The following CYP2C19 variants were observed in gnomAD, a reference collection of about 807,000 sequenced individuals.
The protein encoded by CYP2C19 is cytochrome P450 family 2 subfamily C member 19.
In CYP2C19, 59 loss-of-function variants were observed where a neutral mutation model predicts 40.9. That is an observed-to-expected ratio of 1.44 (90% CI 1.17 to 1.79). CYP2C19 has a LOEUF of 1.79. Ranked by LOEUF, CYP2C19 falls within the 40% of genes most tolerant of loss-of-function variation. The pLI, the probability that CYP2C19 is intolerant of heterozygous loss-of-function variation, is 0.00. For synonymous variants in CYP2C19, 253 were observed against 208.7 expected, an observed-to-expected ratio of 1.21 and a Z score of -1.83; for missense variants, 754 against 596.9, an observed-to-expected ratio of 1.26 and a Z score of -2.74.
intron 8 of CYP2C19, 75 bp downstream of exon 8, chr10:94,850,133 C>G: frequency 6.5e-7 from 1 of 1,530,872 alleles, no homozygotes. Context: ...TTACATGTGC[C>G]TTCTCTGCAG....
chr10:94,771,949 C>A lies in CYP2C19; in HGVS notation c.169-3109C>A, dbSNP rs144929201. On this transcript the variant is annotated intron_variant, in intron 1 of 8. Transcript: ENST00000371321. ...CATTCTTGAAAACGTGTACCCCTGC[C>A]TGTCCTCGTAGACCACAAAGAGGAC... is the stretch of plus-strand genomic sequence containing the variant. Among the ~76,000 whole-genome samples the A allele has an allele frequency of 3.1e-3, 474 of 152,254 alleles. 3 individuals carry two copies. The highest frequency in any genetic ancestry group is 0.011 in the African/African-American group (451 of 41,554).
chr10:94,785,858 A>G (rs1232771724), intron 5 of CYP2C19, among the ~76,000 whole-genome samples: 1 of 152,098 alleles, frequency 6.6e-6, no homozygotes, highest in Non-Finnish European at 1.5e-5. Context: ...ATGTACAGTA[A>G]GGAGCAGACA....
intron 6 of CYP2C19, among the ~76,000 whole-genome samples, chr10:94,828,990 C>T (rs551580078): frequency 9.9e-5 from 15 of 152,088 alleles, no homozygotes; most frequent in Admixed American, 6.5e-4. Context: ...TGAATATTGG[C>T]CCCCACTCTC....
intron 6 of CYP2C19, among the ~76,000 whole-genome samples, chr10:94,829,619 A>T (rs1032477160): frequency 2.0e-5 from 3 of 152,070 alleles, no homozygotes; most frequent in African/African-American, 7.2e-5. Flanking sequence ...CATAGCTCAG[A>T]GTAATTTGAT....
At chr10:94,831,253 C>G (rs1292638105) in intron 6 of CYP2C19, among the ~76,000 whole-genome samples, 1 of 152,028 alleles carries the variant, frequency 6.6e-6, no homozygotes, top group East Asian at 1.9e-4. Flanking sequence ...TGTATATGTA[C>G]TACATTTTCT....
intron 5 of CYP2C19, among the ~76,000 whole-genome samples, chr10:94,818,934 AC>A (rs764870420): frequency 1.3e-5 from 2 of 152,058 alleles, no homozygotes; most frequent in African/African-American, 2.4e-5. Context: ...AACAGAATAT[AC>A]ATTTTTTTCA....
At position 94,849,998 on chromosome 10, in the gene CYP2C19, C is replaced by T. The variant is rs1849628678; in HGVS notation, c.1231C>T (p.His411Tyr). 1 of 1,613,754 alleles carries T rather than the reference C, an allele frequency of 6.2e-7. No homozygotes were observed. Among genetic ancestry groups the T allele is most frequent in the Non-Finnish European group, 8.5e-7 (1 of 1,179,778 alleles). ...CAACCCAGAGATGTTTGACCCTCGT[C>T]ACTTTCTGGATGAAGGTGGAAATTT... ...FPNPEMFDPR[H>Y]FLDEGGNFKK... The change falls in exon 8 of 9, where the codon CAC (histidine) becomes TAC (tyrosine). Residue 411 changes from histidine (H) to tyrosine (Y), a missense_variant. By Grantham distance (83) the His-to-Tyr change is moderately conservative. Coordinates refer to ENST00000371321, the MANE Select transcript of CYP2C19 (RefSeq NM_000769.4).
In CYP2C19 at chr10:94,848,433, C is replaced by T. The variant is rs563602749; in HGVS notation, c.1150-1484C>T. ...GTTGGCTCTGTTCTGTTCCATTGGT[C>T]TACATCTCTGTTTTGGTACCAGTAC... On this transcript the variant is annotated intron_variant, in intron 7 of 8. Coordinates refer to ENST00000371321, the MANE Select transcript of CYP2C19 (RefSeq NM_000769.4). Among the ~76,000 whole-genome samples, 27 of 152,278 alleles carry T rather than the reference C, an allele frequency of 1.8e-4. 1 individual carries two copies. In the South Asian group the frequency reaches 3.1e-3, roughly 18 times the overall value.
At chr10:94,773,313 C>G (rs535764108) in intron 1 of CYP2C19, among the ~76,000 whole-genome samples, 1 of 152,306 alleles carries the variant, frequency 6.6e-6, no homozygotes, top group African/African-American at 2.4e-5. Flanking sequence ...TGTTACAGTT[C>G]TTAAAGATGG....
At chr10:94,845,514 G>A (rs76919419) in intron 7 of CYP2C19, among the ~76,000 whole-genome samples, 3,184 of 152,200 alleles carry the variant, frequency 0.021, 113 homozygotes, top group African/African-American at 0.064. Flanking sequence ...AAAGATGCTC[G>A]ATTGATTTGT....
rs1205294630 is a variant in CYP2C19 at position 94,854,668 on chromosome 10, A to G, written c.*1754A>G. On this transcript the variant is annotated 3_prime_UTR_variant, in exon 9 of 9. Coordinates refer to ENST00000371321, the MANE Select transcript of CYP2C19 (RefSeq NM_000769.4). Reference sequence around the variant, plus strand: ...ATGTGTGTGTACATTATGTGCATTCACACATAATATATATATGTATAACTT... The same window carrying G: ...ATGTGTGTGTACATTATGTGCATTCGCACATAATATATATATGTATAACTT... Among the ~76,000 whole-genome samples the G allele has an allele frequency of 6.6e-6, 1 of 152,098 alleles. No homozygotes were observed. The highest frequency in any genetic ancestry group is 6.5e-5 in the Admixed American group (1 of 15,270).
rs768816078 is a variant in CYP2C19 at position 94,842,840 on chromosome 10, A to T, written c.965A>T (p.Lys322Ile). The T allele has an allele frequency of 4.3e-6, 7 of 1,614,096 alleles. No homozygotes were observed. Among genetic ancestry groups the T allele is most frequent in the Non-Finnish European group, 4.2e-6 (5 of 1,179,984 alleles). The change falls in exon 7 of 9, where the codon AAA becomes ATA. Residue 322 changes from lysine to isoleucine, a missense_variant. Physicochemically the swap from Lys to Ile is moderately radical, Grantham distance 102. Coordinates refer to ENST00000371321, the MANE Select transcript of CYP2C19 (RefSeq NM_000769.4). ...LLLKHPEVTA[K>I]VQEEIERVIG... ...GTTCTTACTTGTGTCTTGTCAGCTA[A>T]AGTCCAGGAAGAGATTGAACGTGTC... is the stretch of plus-strand genomic sequence containing the variant.
chr10:94,803,917 C>T (rs751150413), intron 5 of CYP2C19, among the ~76,000 whole-genome samples: 27 of 152,140 alleles, frequency 1.8e-4, no homozygotes, highest in Middle Eastern at 3.4e-3. Flanking sequence ...GCAGAGAGGG[C>T]CCCCTTGCAC....
At chr10:94,787,896 C>T (rs559625532) in intron 5 of CYP2C19, among the ~76,000 whole-genome samples, 1 of 152,008 alleles carries the variant, frequency 6.6e-6, no homozygotes, top group Admixed American at 6.6e-5. Context: ...TTTCCTTATT[C>T]TGTGAAAAAT....
intron 5 of CYP2C19, among the ~76,000 whole-genome samples, chr10:94,799,133 G>A (rs181718825): frequency 7.1e-4 from 108 of 152,052 alleles, no homozygotes; most frequent in African/African-American, 2.5e-3. Flanking sequence ...TTTTGTAGTG[G>A]CTCGTATGGT....
intron 7 of CYP2C19, among the ~76,000 whole-genome samples, chr10:94,849,226 G>A (rs544471440): frequency 6.6e-6 from 1 of 152,242 alleles, no homozygotes; most frequent in African/African-American, 2.4e-5. Flanking sequence ...GAGTGGACAG[G>A]CACTAAAGCC....
Position 94,762,880 on chromosome 10 carries a change from A to T in CYP2C19, c.168+7A>T, listed in dbSNP as rs769135473. ...CAGCAAATCCTTAACCAATGTAAGTATGCTCCTTCAGTGGCTTGCAAAAGG... is the reference window on the plus strand; with the variant it reads ...CAGCAAATCCTTAACCAATGTAAGTTTGCTCCTTCAGTGGCTTGCAAAAGG... On this transcript the variant is annotated splice_region_variant and intron_variant, in intron 1 of 8. Coordinates refer to ENST00000371321, the MANE Select transcript of CYP2C19 (RefSeq NM_000769.4). 2 of 1,612,398 alleles carry T rather than the reference A, an allele frequency of 1.2e-6. No homozygotes were observed. Among genetic ancestry groups the T allele is most frequent in the Admixed American group, 1.7e-5 (1 of 60,004 alleles).
chr10:94,765,713 G>A (rs1848231075), intron 1 of CYP2C19, among the ~76,000 whole-genome samples: 1 of 152,114 alleles, frequency 6.6e-6, no homozygotes, highest in Non-Finnish European at 1.5e-5. Flanking sequence ...ACAAAGCCTG[G>A]ACTGTTTGTT....
In CYP2C19 at chr10:94,843,044, A is replaced by T; in HGVS notation, c.1149+20A>T. On this transcript the variant is annotated intron_variant, in intron 7 of 8. Coordinates refer to ENST00000371321, the MANE Select transcript of CYP2C19 (RefSeq NM_000769.4). ...CCCAAGGTAAGTTTGTTTCTCCTACACTGCAACTCCATGTTCTTTTATTCC... is the reference window on the plus strand; with the variant it reads ...CCCAAGGTAAGTTTGTTTCTCCTACTCTGCAACTCCATGTTCTTTTATTCC... 6.2e-7 allele frequency: 1 copy of T among 1,612,410 alleles called. No homozygotes were observed. Among genetic ancestry groups the T allele is most frequent in the Non-Finnish European group, 8.5e-7 (1 of 1,178,468 alleles).
Sources: allele counts gnomAD v4.1 joint callset (sites outside exome capture counted in the v4.1 genomes callset), GRCh38; gene constraint gnomAD v4.1.1; transcripts MANE v1.5; gene names NCBI Gene and HGNC (gene_info 2026-07-23, HGNC 2026-07-21).